Variants in ABI1 observed in about 807,000 individuals in gnomAD.
ABI1 encodes the protein Abelson interactor 1.
In ABI1, 14 loss-of-function variants were observed where a neutral mutation model predicts 54.6. That is an observed-to-expected ratio of 0.26 (90% CI 0.17 to 0.40). ABI1 has a LOEUF of 0.40. Ranked by LOEUF, ABI1 falls within the 10% of genes least tolerant of loss-of-function variation. ABI1 has a pLI of 1.00. For synonymous variants in ABI1, 194 were observed against 209.3 expected, an observed-to-expected ratio of 0.93 and a Z score of 0.63; for missense variants, 443 against 598.3, an observed-to-expected ratio of 0.74 and a Z score of 2.71.
intron 2 of ABI1, among the ~76,000 whole-genome samples, chr10:26,778,304 T>C (rs910156630): frequency 6.6e-6 from 1 of 152,070 alleles, no homozygotes; most frequent in African/African-American, 2.4e-5. Flanking sequence ...CTCAACAACT[T>C]AAAATCTGGC....
intron 9 of ABI1, among the ~76,000 whole-genome samples, chr10:26,754,910 C>G (rs939184375): frequency 6.6e-6 from 1 of 151,928 alleles, no homozygotes; most frequent in East Asian, 1.9e-4. Context: ...ACTAGTCTAT[C>G]CTGATTAAAG....
At chr10:26,814,119 T>G (rs916609484) in intron 2 of ABI1, among the ~76,000 whole-genome samples, 6 of 152,182 alleles carry the variant, frequency 3.9e-5, no homozygotes, top group African/African-American at 1.4e-4. Context: ...GAAGGTTTGT[T>G]ATATAAGGTT....
At chr10:26,767,823 G>A (rs1840141584) in intron 6 of ABI1, among the ~76,000 whole-genome samples, 1 of 152,050 alleles carries the variant, frequency 6.6e-6, no homozygotes, top group South Asian at 2.1e-4. Flanking sequence ...GAGGTGGGTG[G>A]ATCACCTGAG....
chr10:26,749,879 C>T (rs1244035173), intron 10 of ABI1, among the ~76,000 whole-genome samples: 2 of 152,182 alleles, frequency 1.3e-5, no homozygotes, highest in Non-Finnish European at 2.9e-5. Context: ...ACTGTATAGC[C>T]AGCAAAGTTT....
At chr10:26,859,505 GAGCATTCCT>G (rs2051123195) in intron 1 of ABI1, among the ~76,000 whole-genome samples, 1 of 152,192 alleles carries the variant, frequency 6.6e-6, no homozygotes, top group Non-Finnish European at 1.5e-5. Flanking sequence ...CCAAAAGCAA[GAGCATTCCT>G]GGTGCCTTTA....
intron 2 of ABI1, among the ~76,000 whole-genome samples, chr10:26,822,653 A>G (rs2048056645): frequency 6.6e-6 from 1 of 152,212 alleles, no homozygotes; most frequent in African/African-American, 2.4e-5. Context: ...AATTTAGAAA[A>G]TGTAAACTAA....
rs142391599 is a variant in ABI1, at chr10:26,759,185, A to G, written c.874T>C (p.Ser292Pro). The G allele has an allele frequency of 5.3e-5, 86 of 1,614,136 alleles. No homozygotes were observed. The highest frequency in any genetic ancestry group is 4.0e-4 in the South Asian group (36 of 91,084). Residue 292 changes from serine (S) to proline (P), a missense_variant, in exon 8 of 11, where the codon TCT becomes CCT. This residue lies in a region of ABI1 where 394 missense variants were observed against 484.8 expected (regional missense o/e 0.81). Coordinates refer to ENST00000376140, the MANE Select transcript of ABI1 (RefSeq NM_001012750.3). ...GAAGAAGTAGTAGAGTTGTGTCGAGATATCTGCCTGGTCATTGTGCCATAC... is the reference window on the plus strand; with the variant it reads ...GAAGAAGTAGTAGAGTTGTGTCGAGGTATCTGCCTGGTCATTGTGCCATAC... ...SQYGTMTRQI[S>P]RHNSTTSSTS... is the part of the protein sequence containing the mutation.
chr10:26,751,601 T>G lies in ABI1; in HGVS notation c.1267A>C (p.Lys423Gln), dbSNP rs1219378503. ...CAACTCAATGACTGTACCTTACCTT[T>G]CTCAATATAATTCTTGGGGGCCCAA... The part of the protein sequence containing the change: ...PAWAPKNYIE[K>Q]VVAIYDYTKD... The change falls in exon 10 of 11, where the codon AAA (lysine) becomes CAA (glutamine). Residue 423 changes from lysine to glutamine, a missense_variant. Lys to Gln is a moderately conservative substitution (Grantham distance 53, BLOSUM62 1). Coordinates refer to ENST00000376140, the MANE Select transcript of ABI1 (RefSeq NM_001012750.3). 6.2e-7 allele frequency: 1 copy of G among 1,611,636 alleles called. No individual in the cohort carries two copies. Among genetic ancestry groups the G allele is most frequent in the Admixed American group, 1.7e-5 (1 of 59,548 alleles).
chr10:26,768,861 C>T lies in ABI1; in HGVS notation c.710G>A (p.Arg237Lys). The T allele has an allele frequency of 1.2e-6, 2 of 1,612,662 alleles. No homozygotes were observed. The highest frequency in any genetic ancestry group is 1.7e-6 in the Non-Finnish European group (2 of 1,179,294). ...GRTASLNQRP[R>K]THSGSSGGSG... is the part of the protein sequence containing the mutation. The stretch of plus-strand genomic sequence containing the variant: ...CAACCTAAAGGCTTACCTGTGTGTC[C>T]TTGGTCTCTGATTTAAAGATGCTGT... Residue 237 changes from arginine (R) to lysine (K), a missense_variant, in exon 6 of 11, where the codon AGG (arginine) becomes AAG (lysine). Physicochemically the swap from Arg to Lys is conservative, Grantham distance 26. Coordinates refer to ENST00000376140, the MANE Select transcript of ABI1 (RefSeq NM_001012750.3).
At chr10:26,794,281 A>C (rs1258311074) in intron 2 of ABI1, among the ~76,000 whole-genome samples, 1 of 152,108 alleles carries the variant, frequency 6.6e-6, no homozygotes, top group Non-Finnish European at 1.5e-5. Context: ...TTAGCCAGGC[A>C]TGGTGGCTCA....
At chr10:26,838,402 A>G (rs1220164444) in intron 1 of ABI1, among the ~76,000 whole-genome samples, 4 of 152,138 alleles carry the variant, frequency 2.6e-5, no homozygotes, top group Admixed American at 6.6e-5. Flanking sequence ...CAGTTTAGGG[A>G]AAGGGAAGAG....
intron 2 of ABI1, among the ~76,000 whole-genome samples, chr10:26,797,598 G>A (rs1326811131): frequency 6.6e-6 from 1 of 152,120 alleles, no homozygotes; most frequent in Non-Finnish European, 1.5e-5. Context: ...CACAGAAAAT[G>A]TAAAAATGAG....
rs1014182742 is a variant in ABI1, at chr10:26,842,526, C to T, written c.117+18221G>A. 2.0e-5 allele frequency among the ~76,000 whole-genome samples: 3 copies of T among 152,102 alleles called. No homozygotes were observed. In the East Asian group the frequency reaches 5.8e-4, roughly 29 times the overall value. The stretch of plus-strand genomic sequence containing the variant: ...CTGGACACCAGCACTATCTGGTGAG[C>T]TTTTTAAAAAATTCCAGAGCCTGAG... On this transcript the variant is annotated intron_variant, in intron 1 of 10. Coordinates refer to ENST00000376140, the MANE Select transcript of ABI1 (RefSeq NM_001012750.3).
intron 2 of ABI1, among the ~76,000 whole-genome samples, chr10:26,821,365 T>G (rs1205121165): frequency 6.6e-6 from 1 of 150,954 alleles, no homozygotes. Context: ...AGAAAATTAA[T>G]AAGGCCAAAG....
At position 26,746,784 on chromosome 10, in the gene ABI1, A is replaced by G. The variant is rs941245477; in HGVS notation, c.*1786T>C. The G allele has an allele frequency of 4.9e-6, 2 of 410,272 alleles. No individual in the cohort carries two copies. Among genetic ancestry groups the G allele is most frequent in the African/African-American group, 4.0e-5 (2 of 50,092 alleles). The allele number at this position is 410,272 out of a possible 1,614,324, so 25.4% of individuals were successfully genotyped here. A position where few individuals can be genotyped will look rare whatever the true frequency, so the allele number is the denominator to read the frequency against. On this transcript the variant is annotated 3_prime_UTR_variant, in exon 11 of 11. Coordinates refer to ENST00000376140, the MANE Select transcript of ABI1 (RefSeq NM_001012750.3). ...AGGCCATTACACAAATAAATAACCA[A>G]TGTTAAAATTCAAATGGTTTGTCTT... is the stretch of plus-strand genomic sequence containing the variant.
rs1410252185 is a variant in ABI1 at position 26,747,272 on chromosome 10, CAA to C, written c.*1296_*1297del. 8.9e-6 allele frequency: 2 copies of C among 225,240 alleles called. No homozygotes were observed. The highest frequency in any genetic ancestry group is 1.8e-5 in the Non-Finnish European group (2 of 113,078). The allele number at this position is 225,240 out of a possible 1,614,324, so 14.0% of individuals were successfully genotyped here. The stretch of plus-strand genomic sequence containing the variant: ...AAGCAATAGAGAATTATACACAAGA[CAA>C]GAAGAGAAAACATCCCTCAGCCCTC... On this transcript the variant is annotated 3_prime_UTR_variant, in exon 11 of 11. Transcript: ENST00000376140.
chr10:26,791,506 C>T (rs1331951666), intron 2 of ABI1, among the ~76,000 whole-genome samples: 1 of 152,000 alleles, frequency 6.6e-6, no homozygotes, highest in African/African-American at 2.4e-5. Flanking sequence ...AAAATGCCAA[C>T]AGAGATTTTA....
chr10:26,846,557 G>A (rs1217939870), intron 1 of ABI1, among the ~76,000 whole-genome samples: 2 of 152,084 alleles, frequency 1.3e-5, no homozygotes, highest in Non-Finnish European at 2.9e-5. Context: ...TGGCCAGACT[G>A]GTCTCAAATT....
At chr10:26,800,032 C>G (rs2046444157) in intron 2 of ABI1, among the ~76,000 whole-genome samples, 1 of 146,454 alleles carries the variant, frequency 6.8e-6, no homozygotes, top group Admixed American at 6.8e-5. Flanking sequence ...AAAATTAAGA[C>G]AGTGGGAGCA....
Sources: allele counts gnomAD v4.1 joint callset (sites outside exome capture counted in the v4.1 genomes callset), GRCh38; gene constraint gnomAD v4.1.1; regional missense constraint gnomAD v4.1.1; transcripts MANE v1.5; gene names NCBI Gene and HGNC (gene_info 2026-07-23, HGNC 2026-07-21).